Variants in MIS18A observed in about 807,000 individuals in gnomAD.
MIS18A encodes the protein protein Mis18-alpha.
MIS18A carries 14 observed loss-of-function variants against 25.0 expected under a neutral mutation model. The ratio of observed to expected loss-of-function variants is 0.56; its 90% confidence interval spans 0.37 to 0.88. The LOEUF (loss-of-function observed/expected upper bound fraction) is 0.88. Among genes scored for constraint, MIS18A ranks in the 40% least tolerant of loss-of-function variants. The pLI, the probability that MIS18A is intolerant of heterozygous loss-of-function variation, is 0.00. For synonymous variants in MIS18A, 134 were observed against 118.6 expected, an observed-to-expected ratio of 1.13 and a Z score of -0.84; for missense variants, 292 against 290.8, an observed-to-expected ratio of 1.00 and a Z score of -0.03.
At chr21:32,208,128 C>T in the MIS18A span, among the ~76,000 whole-genome samples, 5 of 152,266 alleles carry the variant, frequency 3.3e-5, no homozygotes, top group East Asian at 5.8e-4. Flanking sequence ...ATCTGCCTTT[C>T]GTCTCTCTCT....
the MIS18A span, among the ~76,000 whole-genome samples, chr21:32,161,189 C>A: frequency 1.3e-5 from 2 of 152,198 alleles, no homozygotes; most frequent in South Asian, 2.1e-4. Flanking sequence ...TGATTTCCTT[C>A]GTTTTTATCT....
At chr21:32,172,481 A>G in the MIS18A span, among the ~76,000 whole-genome samples, 1 of 152,078 alleles carries the variant, frequency 6.6e-6, no homozygotes, top group African/African-American at 2.4e-5. Context: ...TCAAAACATC[A>G]TGTTGTACAC....
At chr21:32,235,485 G>A in the MIS18A span, among the ~76,000 whole-genome samples, 6 of 152,236 alleles carry the variant, frequency 3.9e-5, no homozygotes, top group South Asian at 1.2e-3. Flanking sequence ...ATCCTTGCCT[G>A]AGGTTCTGCT....
At chr21:32,238,249 ATTAG>A in the MIS18A span, among the ~76,000 whole-genome samples, 1 of 152,198 alleles carries the variant, frequency 6.6e-6, no homozygotes, top group Admixed American at 6.5e-5. Context: ...ACATGGCTAA[ATTAG>A]TTAGGATAGG....
chr21:32,235,102 G>A, the MIS18A span, among the ~76,000 whole-genome samples: 1,619 of 152,276 alleles, frequency 0.011, 31 homozygotes, highest in African/African-American at 0.036. Context: ...CATGAATGCA[G>A]AGGAGTAGAT....
At chr21:32,157,241 G>GTTTTT in the MIS18A span, among the ~76,000 whole-genome samples, 3 of 104,980 alleles carry the variant, frequency 2.9e-5, no homozygotes, top group African/African-American at 4.0e-5. Flanking sequence ...TTTTTTTTTT[G>GTTTTT]GTAGTTTTAG....
chr21:32,270,408 T>G lies in MIS18A; in HGVS notation c.523A>C (p.Ser175Arg). 2 of 1,613,986 alleles carry G rather than the reference T, an allele frequency of 1.2e-6. No individual in the cohort carries two copies. The highest frequency in any genetic ancestry group is 1.7e-6 in the Non-Finnish European group (2 of 1,179,956). Reference sequence around the variant, plus strand: ...TAAACATTTATATATCAAACTTACCTTTCAATGGCTTCAACACTGAGGCAA... The same window carrying G: ...TAAACATTTATATATCAAACTTACCGTTCAATGGCTTCAACACTGAGGCAA... ...LFCLSVEAIE[S>R]YVLGSSEKQI... The change falls in exon 3 of 5, where the codon AGT becomes CGT. Residue 175 changes from serine (S) to arginine (R), a missense_variant and splice_region_variant. Physicochemically the swap from Ser to Arg is moderately radical, Grantham distance 110. Transcript: ENST00000290130.
chr21:32,240,059 T>A, the MIS18A span, among the ~76,000 whole-genome samples: 2 of 152,206 alleles, frequency 1.3e-5, no homozygotes, highest in South Asian at 2.1e-4. Flanking sequence ...GGGAATTACG[T>A]ACAAATACGC....
At chr21:32,221,080 T>A in the MIS18A span, among the ~76,000 whole-genome samples, 1 of 152,056 alleles carries the variant, frequency 6.6e-6, no homozygotes, top group Non-Finnish European at 1.5e-5. Flanking sequence ...CAAGAGAACT[T>A]CCCCGACCTA....
chr21:32,268,806 G>C lies in MIS18A; in HGVS notation c.*231C>G, dbSNP rs77317744. 1 of 329,568 alleles carries C rather than the reference G, an allele frequency of 3.0e-6. No homozygotes were observed. The highest frequency in any genetic ancestry group is 5.5e-6 in the Non-Finnish European group (1 of 180,876). The allele number at this position is 329,568 out of a possible 1,614,324, so 20.4% of individuals were successfully genotyped here. A position where few individuals can be genotyped will look rare whatever the true frequency, so the allele number is the denominator to read the frequency against. ...TTCTACAATTTTGGGTTTTTTTTTT[G>C]AGAGAAGGTCTCACTCTGTTGCCCA... On this transcript the variant is annotated 3_prime_UTR_variant, in exon 5 of 5. Coordinates refer to ENST00000290130, the MANE Select transcript of MIS18A (RefSeq NM_018944.3).
At chr21:32,193,472 ATAGATAGG>A in the MIS18A span, among the ~76,000 whole-genome samples, 219 of 107,838 alleles carry the variant, frequency 2.0e-3, 2 homozygotes, top group South Asian at 9.2e-3. Flanking sequence ...TTGATGATAG[ATAGATAGG>A]TAGATAGATA....
intron 2 of MIS18A, among the ~76,000 whole-genome samples, chr21:32,272,156 G>GT (rs2031726781): frequency 6.6e-6 from 1 of 152,226 alleles, no homozygotes; most frequent in Non-Finnish European, 1.5e-5. Context: ...TCATTGAACA[G>GT]TAACATTGAG....
chr21:32,255,655 C>T, the MIS18A span, among the ~76,000 whole-genome samples: 8 of 151,182 alleles, frequency 5.3e-5, no homozygotes, highest in Non-Finnish European at 7.4e-5. Context: ...TTTGGGAGGC[C>T]GAGGAGGGTG....
At chr21:32,220,181 T>C in the MIS18A span, among the ~76,000 whole-genome samples, 1 of 152,174 alleles carries the variant, frequency 6.6e-6, no homozygotes, top group Non-Finnish European at 1.5e-5. Flanking sequence ...CTCCTGACTG[T>C]GAGACACCTC....
chr21:32,197,118 T>C, the MIS18A span, among the ~76,000 whole-genome samples: 20 of 152,202 alleles, frequency 1.3e-4, no homozygotes, highest in African/African-American at 4.8e-4. Flanking sequence ...GGTAAATACA[T>C]AGTCCCATAA....
chr21:32,257,481 G>A, the MIS18A span, among the ~76,000 whole-genome samples: 4 of 152,128 alleles, frequency 2.6e-5, no homozygotes, highest in Non-Finnish European at 5.9e-5. Context: ...AGCTTCTTTT[G>A]TGGTCTTGGT....
the MIS18A span, among the ~76,000 whole-genome samples, chr21:32,175,575 C>G: frequency 3.4e-5 from 5 of 148,212 alleles, no homozygotes; most frequent in Non-Finnish European, 5.9e-5. Context: ...TTTGGGAGGT[C>G]GAGGTGGGTG....
chr21:32,205,648 T>G, the MIS18A span, among the ~76,000 whole-genome samples: 1 of 152,134 alleles, frequency 6.6e-6, no homozygotes, highest in East Asian at 1.9e-4. Flanking sequence ...AAAAATGACT[T>G]GTTTCAGTGT....
At chr21:32,233,399 G>T in the MIS18A span, among the ~76,000 whole-genome samples, 2 of 152,314 alleles carry the variant, frequency 1.3e-5, no homozygotes, top group East Asian at 3.9e-4. Flanking sequence ...TCTACACTTT[G>T]AGGGTTTGCC....
Sources: gnomAD v4.1 joint callset for allele counts (sites outside exome capture counted in the v4.1 genomes callset) on GRCh38, gnomAD v4.1.1 for gene constraint, MANE v1.5 for transcripts, NCBI Gene and HGNC (gene_info 2026-07-23, HGNC 2026-07-21) for gene names.